The following CR1 variants were observed in gnomAD, a reference collection of about 807,000 sequenced individuals.
CR1 encodes complement receptor type 1.
Under a neutral mutation model 187.3 loss-of-function variants are expected in CR1, and 116 were observed. That is an observed-to-expected ratio of 0.62 (90% CI 0.53 to 0.72). CR1 has a LOEUF of 0.72. Among genes scored for constraint, CR1 ranks in the 30% least tolerant of loss-of-function variants. The pLI is 0.00. For missense variants in CR1, 1,731 were observed against 2,110.7 expected (o/e 0.82, Z 3.52); for synonymous variants, 576 against 747.1 (o/e 0.77, Z 3.73).
intron 45 of CR1, among the ~76,000 whole-genome samples, chr1:207,629,897 T>TGAAATGGA (rs1380030369): frequency 6.6e-6 from 1 of 152,194 alleles, no homozygotes; most frequent in African/African-American, 2.4e-5. Flanking sequence ...TCCTTGCCTG[T>TGAAATGGA]GAAATGGAGA....
chr1:207,626,480 A>T lies in CR1; in HGVS notation c.7352+3412A>T, dbSNP rs550163030. Reference sequence around the variant, plus strand: ...GCTTTCCTCACAGAAAGACAAGGGCATAAAGGGCCTCATGGCAAAGAAGAA... The same window carrying T: ...GCTTTCCTCACAGAAAGACAAGGGCTTAAAGGGCCTCATGGCAAAGAAGAA... On this transcript the variant is annotated intron_variant, in intron 45 of 46. Transcript: ENST00000367049. 3.3e-5 allele frequency among the ~76,000 whole-genome samples: 5 copies of T among 152,348 alleles called. No homozygotes were observed. The South Asian group carries it at 1.0e-3, about 32-fold the overall frequency.
chr1:207,598,904 C>T (rs1363738800), intron 35 of CR1: 4 of 152,190 alleles, frequency 2.6e-5, no homozygotes, highest in Non-Finnish European at 4.4e-5. Context: ...TACACAGCAT[C>T]TTGGAGTTGG....
Position 207,600,716 on chromosome 1 carries a change from A to G in CR1, c.5811-6535A>G, listed in dbSNP as rs1251120738. 2.0e-5 allele frequency: 3 copies of G among 152,146 alleles called. No homozygotes were observed. The East Asian group carries it at 5.8e-4, about 29-fold the overall frequency. The allele number at this position is 152,146 out of a possible 1,614,324, so 9.4% of individuals were successfully genotyped here. A position where few individuals can be genotyped will look rare whatever the true frequency, so the allele number is the denominator to read the frequency against. On this transcript the variant is annotated intron_variant, in intron 35 of 46. Transcript: ENST00000367049. ...CTTGAATTGATTTACTTAGTCTTTA[A>G]AAGACCCTTTGAAATGGATATCATG...
At chr1:207,592,303 TA>T (rs1156292280) in intron 35 of CR1, among the ~76,000 whole-genome samples, 3 of 152,192 alleles carry the variant, frequency 2.0e-5, no homozygotes, top group Admixed American at 2.0e-4. Flanking sequence ...CGCAAATCAA[TA>T]AACGTAATCC....
At chr1:207,603,190 C>T (rs1286982510) in intron 35 of CR1, among the ~76,000 whole-genome samples, 1 of 151,872 alleles carries the variant, frequency 6.6e-6, no homozygotes, top group African/African-American at 2.4e-5. Context: ...TGTTTGATAC[C>T]AGATCAGAGG....
Position 207,619,960 on chromosome 1 carries a change from T to C in CR1, c.7147T>C (p.Tyr2383His), listed in dbSNP as rs764408841. 5 of 1,613,012 alleles carry C rather than the reference T, an allele frequency of 3.1e-6. No homozygotes were observed. In the African/African-American group the frequency reaches 6.7e-5, roughly 22 times the overall value. ...EMKKVYHYGDYVTLKCEDGYT... is the reference protein window; with the variant it reads ...EMKKVYHYGDHVTLKCEDGYT... ...GAAAAAAGTATATCACTATGGAGAT[T>C]ATGTGACTTTGAAGTGTGAAGATGG... The change falls in exon 43 of 47, where the codon TAT becomes CAT. Residue 2383 changes from tyrosine (Y) to histidine (H), a missense_variant. Around this residue, in one of 5 missense-constraint regions of CR1, gnomAD observed 1,312 missense variants for 1,379.6 expected, o/e 0.95. Coordinates refer to ENST00000367049, the MANE Select transcript of CR1 (RefSeq NM_000651.6).
rs1156448710 is a variant in CR1 at position 207,617,612 on chromosome 1, TAGAGAGAGAGAGAGAG to T, written c.6890-423_6890-408del. 7.1e-3 allele frequency among the ~76,000 whole-genome samples: 157 copies of T among 21,996 alleles called. 2 individuals carry two copies. Among genetic ancestry groups the T allele is most frequent in the African/African-American group, 0.019 (106 of 5,708 alleles). The allele number at this position is 21,996 out of a possible 152,430, so 14.4% of individuals were successfully genotyped here. A position where few individuals can be genotyped will look rare whatever the true frequency, so the allele number is the denominator to read the frequency against. ...ATATATATATATATATATATATATA[TAGAGAGAGAGAGAGAG>T]AGAGAGAGAGAGAGAGAGAGAGAGA... is the stretch of plus-strand genomic sequence containing the variant. On this transcript the variant is annotated intron_variant, in intron 41 of 46. Transcript: ENST00000367049.
intron 42 of CR1, among the ~76,000 whole-genome samples, chr1:207,618,979 A>T (rs569286503): frequency 1.4e-5 from 2 of 145,548 alleles, no homozygotes; most frequent in Non-Finnish European, 3.0e-5. Flanking sequence ...CAGAGGTTGC[A>T]GTGAGCTGAG....
chr1:207,609,369 G>T lies in CR1; in HGVS notation c.5976G>T (p.Thr1992=), dbSNP rs201224574. The T allele has an allele frequency of 6.2e-7, 1 of 1,613,934 alleles. No homozygotes were observed. The highest frequency in any genetic ancestry group is 1.3e-5 in the African/African-American group (1 of 75,022). The change falls in exon 37 of 47, where the codon ACG becomes ACT. Residue 1992 remains threonine (T), a synonymous_variant. Coordinates refer to ENST00000367049, the MANE Select transcript of CR1 (RefSeq NM_000651.6). ...ATAGAACATCTTTTCACAATGGAAC[G>T]GTGGTAACTTACCAGTGCCACACTG... ...SNNRTSFHNG[T]VVTYQCHTGP...
At chr1:207,501,007 T>TA (rs55928911) in intron 1 of CR1, among the ~76,000 whole-genome samples, 28,823 of 151,156 alleles carry the variant, frequency 0.19, 3,962 homozygotes, top group African/African-American at 0.39. Context: ...GGCTAAACCA[T>TA]AAAAAAAAAC....
At chr1:207,581,723 A>G (rs1660961741) in intron 31 of CR1, among the ~76,000 whole-genome samples, 195 bp from the exon 32 acceptor site, 1 of 152,184 alleles carries the variant, frequency 6.6e-6, no homozygotes. Flanking sequence ...ACTGAAAGCT[A>G]CACTTTTTCC....
chr1:207,611,397 A>G (rs1167646995), intron 37 of CR1, among the ~76,000 whole-genome samples: 1 of 152,170 alleles, frequency 6.6e-6, no homozygotes. Context: ...CTCCATAACC[A>G]GTAGTTGAAA....
At chr1:207,574,518 C>T (rs960063701) in intron 27 of CR1, among the ~76,000 whole-genome samples, 7 of 151,714 alleles carry the variant, frequency 4.6e-5, no homozygotes, top group African/African-American at 9.7e-5. Context: ...ATGATGAATT[C>T]CAAAGGAAAT....
In CR1 at chr1:207,609,490, C is replaced by T. The variant is rs769058005; in HGVS notation, c.6097C>T (p.Pro2033Ser). The change falls in exon 37 of 47, where the codon CCT becomes TCT. Residue 2033 changes from proline to serine, a missense_variant. Coordinates refer to ENST00000367049, the MANE Select transcript of CR1 (RefSeq NM_000651.6). ...DQVGVWSSPP[P>S]RCISTNKCTA... ...AGTTGGTGTTTGGAGCAGCCCTCCC[C>T]CTCGGTGTATTTCTACTAATAAATG... 2.4e-5 allele frequency: 39 copies of T among 1,613,858 alleles called. No homozygotes were observed. Among genetic ancestry groups the T allele is most frequent in the Non-Finnish European group, 3.1e-5 (36 of 1,179,880 alleles).
intron 45 of CR1, among the ~76,000 whole-genome samples, chr1:207,624,489 C>T (rs1260341297): frequency 1.3e-5 from 2 of 152,158 alleles, no homozygotes; most frequent in African/African-American, 4.8e-5. Flanking sequence ...TTTCCTACAA[C>T]AAGCTTTACA....
rs1187646179 is a variant in CR1, at chr1:207,593,951, C to T, written c.5810+5177C>T. The stretch of plus-strand genomic sequence containing the variant: ...TGGCAATCACTAAAAAGTCAGGAAA[C>T]AACAGATGCTGGAGAGGATGTGGAG... On this transcript the variant is annotated intron_variant, in intron 35 of 46. Transcript: ENST00000367049. Among the ~76,000 whole-genome samples, 5 of 152,178 alleles carry T rather than the reference C, an allele frequency of 3.3e-5. No individual in the cohort carries two copies. The East Asian group carries it at 9.6e-4, about 29-fold the overall frequency.
At chr1:207,632,991 C>T (rs531656501) in intron 46 of CR1, among the ~76,000 whole-genome samples, 21 of 152,098 alleles carry the variant, frequency 1.4e-4, no homozygotes, top group Admixed American at 5.9e-4. Context: ...TACAAACAGA[C>T]GAAATAACAG....
intron 23 of CR1, among the ~76,000 whole-genome samples, chr1:207,564,835 A>T (rs192227992): frequency 6.7e-6 from 1 of 150,288 alleles, no homozygotes; most frequent in African/African-American, 2.5e-5. Context: ...AAAAGGGAAT[A>T]TGAGTAATTT....
chr1:207,576,673 A>T (rs931420746), intron 28 of CR1, among the ~76,000 whole-genome samples: 2 of 151,942 alleles, frequency 1.3e-5, no homozygotes, highest in African/African-American at 4.8e-5. Context: ...CAAAAACTAA[A>T]CAGGCACGGT....
Sources: allele counts gnomAD v4.1 joint callset (sites outside exome capture counted in the v4.1 genomes callset), GRCh38; gene constraint gnomAD v4.1.1; regional missense constraint gnomAD v4.1.1; transcripts MANE v1.5; gene names NCBI Gene and HGNC (gene_info 2026-07-23, HGNC 2026-07-21).